The following UNC5C variants were observed in gnomAD, a reference collection of about 807,000 sequenced individuals.
The protein encoded by UNC5C is netrin receptor UNC5C.
In UNC5C, 47 loss-of-function variants were observed where a neutral mutation model predicts 99.8. The observed-to-expected ratio is 0.47, with a 90% CI of 0.37 to 0.60. The LOEUF is 0.60. Ranked by LOEUF, UNC5C falls within the 20% of genes least tolerant of loss-of-function variation. The pLI is 0.00. For synonymous variants in UNC5C, 487 were observed against 452.2 expected, an observed-to-expected ratio of 1.08 and a Z score of -0.98; for missense variants, 1,062 against 1,165.9, an observed-to-expected ratio of 0.91 and a Z score of 1.30.
chr4:95,305,959 G>C (rs1355363093), intron 2 of UNC5C, among the ~76,000 whole-genome samples: 1 of 151,992 alleles, frequency 6.6e-6, no homozygotes, highest in Non-Finnish European at 1.5e-5. Flanking sequence ...ATAGTGGTAA[G>C]GCACCACAAA....
At chr4:95,521,190 C>CTTCTTCT (rs1317861648) in intron 1 of UNC5C, among the ~76,000 whole-genome samples, 22 of 138,160 alleles carry the variant, frequency 1.6e-4, no homozygotes, top group Admixed American at 1.2e-3. Context: ...TCTAGTGTCT[C>CTTCTTCT]TTCTTCTTCT....
chr4:95,167,540 A>G lies in UNC5C; in HGVS notation c.*1694T>C, dbSNP rs1735906680. ...TGCACCAAGTTCCTACTGCCAGATA[A>G]ACTTGTAGGAGTGGTCTAGATATCA... On this transcript the variant is annotated 3_prime_UTR_variant, in exon 16 of 16. Transcript: ENST00000453304. 1 of 152,180 alleles carries G rather than the reference A, an allele frequency of 6.6e-6. No individual in the cohort carries two copies. The highest frequency in any genetic ancestry group is 1.5e-5 in the Non-Finnish European group (1 of 68,036). 9.4% of individuals were successfully genotyped at this position (152,180 alleles called of 1,614,324 possible). A position where few individuals can be genotyped will look rare whatever the true frequency, so the allele number is the denominator to read the frequency against.
At chr4:95,511,992 C>T (rs900134700) in intron 1 of UNC5C, among the ~76,000 whole-genome samples, 4 of 151,824 alleles carry the variant, frequency 2.6e-5, no homozygotes, top group African/African-American at 7.3e-5. Flanking sequence ...TTGTTAGATG[C>T]GAAGGAAGTA....
At chr4:95,305,759 T>C (rs1742040189) in intron 2 of UNC5C, among the ~76,000 whole-genome samples, 1 of 152,186 alleles carries the variant, frequency 6.6e-6, no homozygotes, top group Non-Finnish European at 1.5e-5. Flanking sequence ...AATTAGCATG[T>C]TATTCCAAGA....
At chr4:95,240,285 A>G (rs769681444) in intron 7 of UNC5C, among the ~76,000 whole-genome samples, 16 of 152,170 alleles carry the variant, frequency 1.1e-4, no homozygotes, top group African/African-American at 3.6e-4. Context: ...TGGCCAAACA[A>G]TATTATTTTT....
intron 9 of UNC5C, among the ~76,000 whole-genome samples, chr4:95,217,593 C>T (rs1229217549): frequency 1.3e-5 from 2 of 152,182 alleles, no homozygotes; most frequent in African/African-American, 4.8e-5. Context: ...ATATGTTGAT[C>T]ACCATTGCCT....
At chr4:95,357,291 T>G (rs977791693) in intron 1 of UNC5C, among the ~76,000 whole-genome samples, 2 of 151,900 alleles carry the variant, frequency 1.3e-5, no homozygotes, top group Non-Finnish European at 2.9e-5. Context: ...CATGTGCCAC[T>G]GCACCCAGAT....
intron 1 of UNC5C, among the ~76,000 whole-genome samples, chr4:95,414,074 A>G (rs1253257102): frequency 6.6e-6 from 1 of 152,212 alleles, no homozygotes; most frequent in Non-Finnish European, 1.5e-5. Context: ...ACCCCCAAAT[A>G]TCACACCAGG....
At chr4:95,410,103 C>T (rs1291913132) in intron 1 of UNC5C, among the ~76,000 whole-genome samples, 2 of 152,084 alleles carry the variant, frequency 1.3e-5, no homozygotes, top group Non-Finnish European at 2.9e-5. Context: ...CATGTTAGTA[C>T]CTTACTATGT....
chr4:95,493,790 T>C (rs929252995), intron 1 of UNC5C, among the ~76,000 whole-genome samples: 20 of 151,478 alleles, frequency 1.3e-4, no homozygotes, highest in African/African-American at 4.8e-4. Context: ...TTGCAAATCA[T>C]TAAGTCAAAA....
chr4:95,244,426 C>T (rs1739429183), intron 6 of UNC5C, among the ~76,000 whole-genome samples: 1 of 152,102 alleles, frequency 6.6e-6, no homozygotes. Context: ...AATAGATGAC[C>T]AACATTTACA....
intron 14 of UNC5C, among the ~76,000 whole-genome samples, chr4:95,171,012 A>T (rs1736077538): frequency 6.6e-6 from 1 of 152,252 alleles, no homozygotes; most frequent in Non-Finnish European, 1.5e-5. Flanking sequence ...ATTTTAGTAG[A>T]GAAAACCATA....
intron 1 of UNC5C, among the ~76,000 whole-genome samples, chr4:95,496,790 A>C (rs2149483097): frequency 1.3e-5 from 2 of 151,988 alleles, no homozygotes; most frequent in South Asian, 4.1e-4. Flanking sequence ...CTACCACCCA[A>C]GAAATGTACA....
intron 1 of UNC5C, among the ~76,000 whole-genome samples, chr4:95,372,621 G>A (rs1030886561): frequency 1.3e-5 from 2 of 152,088 alleles, no homozygotes; most frequent in Non-Finnish European, 2.9e-5. Context: ...CTTTGGCCCT[G>A]TTTGGGTACT....
At chr4:95,532,498 T>G (rs1036519905) in intron 1 of UNC5C, among the ~76,000 whole-genome samples, 1 of 148,568 alleles carries the variant, frequency 6.7e-6, no homozygotes, top group African/African-American at 2.5e-5. Flanking sequence ...TGCCAAAAGC[T>G]GTATCACATC....
At chr4:95,384,597 T>C (rs951183375) in intron 1 of UNC5C, among the ~76,000 whole-genome samples, 27 of 152,082 alleles carry the variant, frequency 1.8e-4, no homozygotes, top group African/African-American at 6.5e-4. Context: ...AAGAACCTAA[T>C]GGGTCAAATC....
intron 1 of UNC5C, among the ~76,000 whole-genome samples, chr4:95,427,519 C>T (rs1746517634): frequency 6.6e-6 from 1 of 152,170 alleles, no homozygotes; most frequent in Non-Finnish European, 1.5e-5. Flanking sequence ...CAACAACCTC[C>T]ATCCTGATTA....
chr4:95,288,063 A>ATTATTTATTTATTTAATTTAT (rs1553960807), intron 3 of UNC5C, among the ~76,000 whole-genome samples: 3 of 143,176 alleles, frequency 2.1e-5, no homozygotes, highest in Admixed American at 7.0e-5. Flanking sequence ...CACTTTACAG[A>ATTATTTATTTATTTAATTTAT]TTATTTATTT....
intron 2 of UNC5C, among the ~76,000 whole-genome samples, chr4:95,312,308 A>G (rs888646425): frequency 6.6e-6 from 1 of 152,184 alleles, no homozygotes; most frequent in Non-Finnish European, 1.5e-5. Context: ...GCCCTGTCCT[A>G]TGCATTCTGT....
Sources: allele counts gnomAD v4.1 joint callset (sites outside exome capture counted in the v4.1 genomes callset), GRCh38; gene constraint gnomAD v4.1.1; transcripts MANE v1.5; gene names NCBI Gene and HGNC (gene_info 2026-07-23, HGNC 2026-07-21).